ZNF343: variants seen among roughly 807,000 people sequenced by gnomAD.
ZNF343 encodes the protein zinc finger protein 343.
Under a neutral mutation model 13.8 loss-of-function variants are expected in ZNF343, and 11 were observed. The ratio of observed to expected loss-of-function variants is 0.80; its 90% confidence interval spans 0.50 to 1.32. The LOEUF is 1.32. Among genes scored for constraint, ZNF343 ranks in the 40% most tolerant of loss-of-function variants. The pLI is 0.00. For synonymous variants in ZNF343, 248 were observed against 260.0 expected (o/e 0.95, Z 0.44); for missense variants, 658 against 714.2 (o/e 0.92, Z 0.90).
intron 5 of ZNF343, 67 bp downstream of exon 5, chr20:2,492,632 G>C (rs1307699273): frequency 6.4e-7 from 1 of 1,555,826 alleles, no homozygotes; most frequent in Admixed American, 2.2e-5. Context: ...ATTTTTTTGT[G>C]GTACATATTA....
At chr20:2,494,208 C>T (rs2085420350) in intron 2 of ZNF343, among the ~76,000 whole-genome samples, 164 bp from the exon 3 acceptor site, 1 of 152,038 alleles carries the variant, frequency 6.6e-6, no homozygotes, top group Admixed American at 6.6e-5. Context: ...ATTCACTCTA[C>T]CTTCATTTCT....
chr20:2,482,966 C>T lies in ZNF343; in HGVS notation c.*195G>A. On this transcript the variant is annotated 3_prime_UTR_variant, in exon 6 of 6. Coordinates refer to ENST00000278772, the MANE Select transcript of ZNF343 (RefSeq NM_024325.6). The stretch of plus-strand genomic sequence containing the variant: ...AAGGCTGACTGATGGCTACAGTTGC[C>T]CGTACTCTATACTCATAAGGCTCCT... 1 of 645,570 alleles carries T rather than the reference C, an allele frequency of 1.5e-6. No individual in the cohort carries two copies. Among genetic ancestry groups the T allele is most frequent in the South Asian group, 2.2e-5 (1 of 46,210 alleles). The allele number at this position is 645,570 out of a possible 1,614,324, so 40.0% of individuals were successfully genotyped here.
Position 2,482,955 on chromosome 20 carries a change from G to T in ZNF343, c.*206C>A. 3.3e-6 allele frequency: 2 copies of T among 599,320 alleles called. No individual in the cohort carries two copies. Among genetic ancestry groups the T allele is most frequent in the African/African-American group, 1.8e-5 (1 of 54,072 alleles). The allele number at this position is 599,320 out of a possible 1,614,324, so 37.1% of individuals were successfully genotyped here. A position where few individuals can be genotyped will look rare whatever the true frequency, so the allele number is the denominator to read the frequency against. ...TGTGCATGCTCAAGGCTGACTGATG[G>T]CTACAGTTGCCCGTACTCTATACTC... On this transcript the variant is annotated 3_prime_UTR_variant, in exon 6 of 6. Coordinates refer to ENST00000278772, the MANE Select transcript of ZNF343 (RefSeq NM_024325.6).
chr20:2,484,107 A>C lies in ZNF343; in HGVS notation c.854T>G (p.Ile285Ser). ...GRSFKDRSTL[I>S]RHHRIHSMEK... is the part of the protein sequence containing the mutation. Reference sequence around the variant, plus strand: ...CATCGAGTGTATACGATGGTGTCTGATGAGGGTTGATCTATCTTTAAAGCT... The same window carrying C: ...CATCGAGTGTATACGATGGTGTCTGCTGAGGGTTGATCTATCTTTAAAGCT... Residue 285 changes from isoleucine (I) to serine (S), a missense_variant, in exon 6 of 6, where the codon ATC becomes AGC. Coordinates refer to ENST00000278772, the MANE Select transcript of ZNF343 (RefSeq NM_024325.6). The C allele has an allele frequency of 6.2e-7, 1 of 1,614,174 alleles. No individual in the cohort carries two copies. Among genetic ancestry groups the C allele is most frequent in the South Asian group, 1.1e-5 (1 of 91,086 alleles).
At chr20:2,514,460 A>AT (rs1409885389) in intron 1 of ZNF343, among the ~76,000 whole-genome samples, 5 of 152,192 alleles carry the variant, frequency 3.3e-5, no homozygotes, top group Admixed American at 2.0e-4. Flanking sequence ...AGATCTTAGA[A>AT]TTTCTCTTAT....
rs573639905 is a variant in ZNF343, at chr20:2,488,204, C to T, written c.305-3548G>A. Among the ~76,000 whole-genome samples, 26 of 152,226 alleles carry T rather than the reference C, an allele frequency of 1.7e-4. No homozygotes were observed. The South Asian group carries it at 3.1e-3, about 18-fold the overall frequency. ...AATTTAGAAAACCTTTTCCTGTGTC[C>T]AGGTGATAGAATATTTACCCCCATC... On this transcript the variant is annotated intron_variant, in intron 5 of 5. Coordinates refer to ENST00000278772, the MANE Select transcript of ZNF343 (RefSeq NM_024325.6).
chr20:2,523,677 C>CTTTTTT (rs3051730), intron 1 of ZNF343, among the ~76,000 whole-genome samples: 37 of 102,796 alleles, frequency 3.6e-4, no homozygotes, highest in African/African-American at 1.0e-3. Flanking sequence ...GCTATGTGTA[C>CTTTTTT]TTTTTTTTTT....
intron 1 of ZNF343, among the ~76,000 whole-genome samples, chr20:2,521,366 T>C (rs1321774740): frequency 6.6e-6 from 1 of 151,992 alleles, no homozygotes; most frequent in Non-Finnish European, 1.5e-5. Context: ...TTCTCTGGAG[T>C]CAGATGGGGA....
Position 2,484,456 on chromosome 20 carries a change from C to G in ZNF343, c.505G>C (p.Glu169Gln). ...GAGCCACCTCCTCTCTCCTGACCTTCTGCATTTTCAAACCAACAGCTTACA... is the reference window on the plus strand; with the variant it reads ...GAGCCACCTCCTCTCTCCTGACCTTGTGCATTTTCAAACCAACAGCTTACA... ...SHVSCWFENA[E>Q]GQERGGGSKP... Residue 169 changes from glutamate to glutamine, a missense_variant, in exon 6 of 6, where the codon GAA (glutamate) becomes CAA (glutamine). By Grantham distance (29) the Glu-to-Gln change is conservative. Transcript: ENST00000278772. The G allele has an allele frequency of 2.5e-6, 4 of 1,614,222 alleles. No individual in the cohort carries two copies. The highest frequency in any genetic ancestry group is 3.4e-6 in the Non-Finnish European group (4 of 1,180,032).
At chr20:2,519,750 G>T (rs1404653997) in intron 1 of ZNF343, among the ~76,000 whole-genome samples, 1 of 152,162 alleles carries the variant, frequency 6.6e-6, no homozygotes, top group Non-Finnish European at 1.5e-5. Context: ...TTTCATTTGA[G>T]ATGTTCCTGA....
At chr20:2,487,304 C>G (rs2085296692) in intron 5 of ZNF343, among the ~76,000 whole-genome samples, 1 of 152,208 alleles carries the variant, frequency 6.6e-6, no homozygotes, top group South Asian at 2.1e-4. Context: ...GGGCATGCCT[C>G]TCCTTTCCAT....
intron 1 of ZNF343, among the ~76,000 whole-genome samples, chr20:2,515,002 CA>C (rs34761814): frequency 2.9e-3 from 274 of 94,434 alleles, no homozygotes; most frequent in African/African-American, 5.1e-3. Context: ...GACATTGTAT[CA>C]AAAAAAAAAA....
intron 5 of ZNF343, among the ~76,000 whole-genome samples, chr20:2,486,008 T>C (rs1407544850): frequency 6.6e-6 from 1 of 152,232 alleles, no homozygotes; most frequent in Non-Finnish European, 1.5e-5. Flanking sequence ...TTATAAGACT[T>C]GTGGTCATTC....
rs958194898 is a variant in ZNF343, at chr20:2,506,959, T to A, written c.-237+1922A>T. Reference sequence around the variant, plus strand: ...TTAAAGTATAATAAAAAAAAAAAGATAAAAAAATAAAATGAGTGGGCCAGC... The same window carrying A: ...TTAAAGTATAATAAAAAAAAAAAGAAAAAAAAATAAAATGAGTGGGCCAGC... On this transcript the variant is annotated intron_variant, in intron 1 of 5. Transcript: ENST00000278772. Among the ~76,000 whole-genome samples the A allele has an allele frequency of 1.0e-4, 15 of 144,524 alleles. No individual in the cohort carries two copies. In the East Asian group the frequency reaches 1.4e-3, roughly 14 times the overall value. 94.8% of individuals were successfully genotyped at this position (144,524 alleles called of 152,430 possible).
intron 1 of ZNF343, among the ~76,000 whole-genome samples, chr20:2,520,264 T>C (rs1266219687): frequency 6.6e-6 from 1 of 152,234 alleles, no homozygotes; most frequent in East Asian, 1.9e-4. Flanking sequence ...AGTTTATATA[T>C]CATTTATTAA....
At chr20:2,503,987 C>T (rs1464237425) in intron 1 of ZNF343, among the ~76,000 whole-genome samples, 18 of 151,962 alleles carry the variant, frequency 1.2e-4, no homozygotes, top group African/African-American at 4.1e-4. Context: ...AATAGAGACA[C>T]AAAAAAACCT....
rs887065487 is a variant in ZNF343 at position 2,518,578 on chromosome 20, G to T, written c.-347+5877C>A. Reference sequence around the variant, plus strand: ...TGATTTCTAAATAGCTACCCCTCCGGTTCCACACTCACTCACAACCTACAA... The same window carrying T: ...TGATTTCTAAATAGCTACCCCTCCGTTTCCACACTCACTCACAACCTACAA... On this transcript the variant is annotated intron_variant, in intron 1 of 6. Coordinates refer to the ZNF343 transcript ENST00000358413. This position sits in a 1 kb window ranked among gnomAD's most constrained non-coding sequence, Gnocchi z 4.6. Among the ~76,000 whole-genome samples the T allele has an allele frequency of 1.3e-5, 2 of 152,006 alleles. No homozygotes were observed. The highest frequency in any genetic ancestry group is 2.9e-5 in the Non-Finnish European group (2 of 68,004).
At chr20:2,493,645 C>T in intron 3 of ZNF343, 68 bp from the exon 4 acceptor site, 3 of 994,602 alleles carry the variant, frequency 3.0e-6, no homozygotes, top group South Asian at 1.3e-5. Context: ...CATGACGCTC[C>T]CTGAGCAGCT....
At chr20:2,521,485 T>C (rs552166710) in intron 1 of ZNF343, among the ~76,000 whole-genome samples, 1 of 152,280 alleles carries the variant, frequency 6.6e-6, no homozygotes, top group Admixed American at 6.5e-5. Context: ...ATGTAGCCTC[T>C]GGAGGGAGAA....
Sources: allele counts gnomAD v4.1 joint callset (sites outside exome capture counted in the v4.1 genomes callset), GRCh38; gene constraint gnomAD v4.1.1; non-coding constraint Gnocchi (gnomAD v3.1); transcripts MANE v1.5; gene names NCBI Gene and HGNC (gene_info 2026-07-23, HGNC 2026-07-21).